Variants in CADM2 observed in about 807,000 individuals in gnomAD.
The protein encoded by CADM2 is cell adhesion molecule 2, also known as immunoglobulin superfamily member 4D.
CADM2 carries 12 observed loss-of-function variants against 49.8 expected under a neutral mutation model. That is an observed-to-expected ratio of 0.24 (90% CI 0.15 to 0.39). The LOEUF is 0.39. Ranked by LOEUF, CADM2 falls within the 10% of genes least tolerant of loss-of-function variation. The pLI, the probability that CADM2 is intolerant of heterozygous loss-of-function variation, is 1.00. For synonymous variants in CADM2, 214 were observed against 175.4 expected, an observed-to-expected ratio of 1.22 and a Z score of -1.74; for missense variants, 378 against 492.3, an observed-to-expected ratio of 0.77 and a Z score of 2.20.
chr3:85,965,074 A>T (rs547779960), intron 8 of CADM2, among the ~76,000 whole-genome samples: 3 of 151,626 alleles, frequency 2.0e-5, no homozygotes, highest in African/African-American at 7.2e-5. Flanking sequence ...GCAAAGATAA[A>T]TAACAAACAA....
At chr3:85,183,959 A>G (rs961074321) in intron 1 of CADM2, among the ~76,000 whole-genome samples, 18 of 152,132 alleles carry the variant, frequency 1.2e-4, no homozygotes, top group African/African-American at 4.3e-4. Flanking sequence ...ATAAGTTAAA[A>G]TATTGAGTTA....
rs568247130 is a variant in CADM2 at position 85,571,700 on chromosome 3, A to G, written c.62-154822A>G. Among the ~76,000 whole-genome samples, 143 of 152,214 alleles carry G rather than the reference A, an allele frequency of 9.4e-4. 1 individual carries two copies. The highest frequency in any genetic ancestry group is 9.4e-4 in the Non-Finnish European group (64 of 68,006). On this transcript the variant is annotated intron_variant, in intron 1 of 9. Transcript: ENST00000383699. ...TCAAATTGCTATGTTGTTTCTCCCA[A>G]AGATATTTGGATTGTAACTTTTATA... is the stretch of plus-strand genomic sequence containing the variant.
intron 1 of CADM2, among the ~76,000 whole-genome samples, chr3:85,398,933 T>C (rs1286444698): frequency 6.6e-6 from 1 of 152,132 alleles, no homozygotes. Context: ...TTGCAAAAAT[T>C]TTCTCCCATT....
intron 8 of CADM2, among the ~76,000 whole-genome samples, chr3:85,995,700 CT>C (rs972956217): frequency 6.6e-6 from 1 of 152,136 alleles, no homozygotes; most frequent in African/African-American, 2.4e-5. Context: ...GATAGGTATT[CT>C]TTTTTATATA....
intron 8 of CADM2, among the ~76,000 whole-genome samples, chr3:86,044,184 C>T (rs2324977): frequency 0.7 from 106,245 of 152,108 alleles, 38,756 homozygotes; most frequent in African/African-American, 0.92. Flanking sequence ...CAAAAAGCAA[C>T]GGCAACACAA....
chr3:85,167,051 T>TA (rs1041900114), intron 1 of CADM2, among the ~76,000 whole-genome samples: 1 of 152,090 alleles, frequency 6.6e-6, no homozygotes, highest in Non-Finnish European at 1.5e-5. Context: ...GATTGCATGA[T>TA]AAAAAATATT....
At chr3:85,632,893 G>T (rs1029417833) in intron 1 of CADM2, among the ~76,000 whole-genome samples, 3 of 151,816 alleles carry the variant, frequency 2.0e-5, no homozygotes, top group Admixed American at 1.3e-4. Context: ...TAATAGAATA[G>T]ATTTTATTCT....
At chr3:85,905,013 A>T (rs1437224564) in intron 5 of CADM2, among the ~76,000 whole-genome samples, 1 of 152,150 alleles carries the variant, frequency 6.6e-6, no homozygotes, top group Non-Finnish European at 1.5e-5. Context: ...TTATATGGAA[A>T]AATGTTTATG....
intron 1 of CADM2, among the ~76,000 whole-genome samples, chr3:85,421,914 G>T (rs754607327): frequency 1.2e-4 from 18 of 152,154 alleles, no homozygotes; most frequent in Admixed American, 5.9e-4. Flanking sequence ...TGTTGCTATT[G>T]TTTCACAGAA....
At chr3:85,551,680 CA>C (rs1386395053) in intron 1 of CADM2, among the ~76,000 whole-genome samples, 1 of 152,114 alleles carries the variant, frequency 6.6e-6, no homozygotes, top group Non-Finnish European at 1.5e-5. Flanking sequence ...TGAAGCTGTT[CA>C]GCTTTTTAAA....
chr3:85,100,424 C>T (rs2037968892), intron 1 of CADM2, among the ~76,000 whole-genome samples: 1 of 152,098 alleles, frequency 6.6e-6, no homozygotes, highest in African/African-American at 2.4e-5. Context: ...TCAACATTTT[C>T]CAAAACATGC....
chr3:84,976,502 C>A (rs896330455), intron 1 of CADM2, among the ~76,000 whole-genome samples: 12 of 151,694 alleles, frequency 7.9e-5, no homozygotes, highest in Admixed American at 3.9e-4. Context: ...ATATAGAAAT[C>A]TATTGGTTAT....
In CADM2 at chr3:85,725,712, C is replaced by T. The variant is rs138386564; in HGVS notation, c.62-810C>T. 6.6e-5 allele frequency among the ~76,000 whole-genome samples: 10 copies of T among 152,090 alleles called. No homozygotes were observed. In the East Asian group the frequency reaches 1.9e-3, roughly 29 times the overall value. On this transcript the variant is annotated intron_variant, in intron 1 of 9. Transcript: ENST00000383699. ...CACTAGATATAAGCTTATACTTCAG[C>T]TTATTAATGGAAATAATGCCATTTA...
At chr3:85,260,372 C>G (rs2042989277) in intron 1 of CADM2, among the ~76,000 whole-genome samples, 1 of 152,106 alleles carries the variant, frequency 6.6e-6, no homozygotes. Flanking sequence ...TTGGAAATAT[C>G]TGCAAAAGGT....
At chr3:85,768,785 TA>T (rs1228604937) in intron 2 of CADM2, among the ~76,000 whole-genome samples, 5 of 128,256 alleles carry the variant, frequency 3.9e-5, no homozygotes, top group African/African-American at 9.0e-5. Flanking sequence ...TATACATATA[TA>T]GTATATATAC....
At chr3:85,435,060 AT>A (rs1222603252) in intron 1 of CADM2, among the ~76,000 whole-genome samples, 2 of 151,990 alleles carry the variant, frequency 1.3e-5, no homozygotes, top group African/African-American at 2.4e-5. Context: ...TGGGATACAT[AT>A]GCAGAATGTG....
At chr3:85,938,789 G>A (rs1411339889) in intron 7 of CADM2, among the ~76,000 whole-genome samples, 1 of 151,768 alleles carries the variant, frequency 6.6e-6, no homozygotes, top group Non-Finnish European at 1.5e-5. Flanking sequence ...CTTAGTATAA[G>A]TAAGCACTTA....
chr3:85,903,590 C>G (rs1261129922), intron 5 of CADM2, among the ~76,000 whole-genome samples: 1 of 151,966 alleles, frequency 6.6e-6, no homozygotes, highest in Non-Finnish European at 1.5e-5. Flanking sequence ...TAAAAGTACC[C>G]GTTGTTGTTG....
intron 1 of CADM2, among the ~76,000 whole-genome samples, chr3:85,013,894 AT>A (rs1434517895): frequency 1.4e-5 from 2 of 147,482 alleles, no homozygotes; most frequent in East Asian, 1.9e-4. Context: ...ATATTAATAT[AT>A]TATTGTACTG....
Sources: allele counts gnomAD v4.1 joint callset (sites outside exome capture counted in the v4.1 genomes callset), GRCh38; gene constraint gnomAD v4.1.1; transcripts MANE v1.5; gene names NCBI Gene and HGNC (gene_info 2026-07-23, HGNC 2026-07-21).